PGM5: variants seen among roughly 807,000 people sequenced by gnomAD.
PGM5 encodes phosphoglucomutase 5, also known as phosphoglucomutase-like protein 5.
In PGM5, 23 loss-of-function variants were observed where a neutral mutation model predicts 59.2. The observed-to-expected ratio is 0.39, with a 90% CI of 0.28 to 0.55. PGM5 has a LOEUF of 0.55. Ranked by LOEUF, PGM5 falls within the 20% of genes least tolerant of loss-of-function variation. The pLI is 0.66. For missense variants in PGM5, 574 were observed against 748.3 expected (o/e 0.77, Z 2.72); for synonymous variants, 214 against 286.0 (o/e 0.75, Z 2.54).
In PGM5 at chr9:68,410,470, G is replaced by A. The variant is rs1262079391; in HGVS notation, c.1043+17997G>A. On this transcript the variant is annotated intron_variant, in intron 6 of 10. Transcript: ENST00000396396. ...TGTAAAATATCTTTAATATTTGATC[G>A]TTAATTTTTTTCTTTAGACTAAATA... 4.6e-5 allele frequency among the ~76,000 whole-genome samples: 7 copies of A among 152,116 alleles called. No individual in the cohort carries two copies. In the South Asian group the frequency reaches 6.2e-4, roughly 14 times the overall value.
chr9:68,442,602 TAGAGAGTCC>T (rs1165407986), intron 6 of PGM5, among the ~76,000 whole-genome samples: 1 of 152,224 alleles, frequency 6.6e-6, no homozygotes, highest in Non-Finnish European at 1.5e-5. Flanking sequence ...TGAAGCAGAA[TAGAGAGTCC>T]AGAAATACAC....
chr9:68,522,541 G>C lies in PGM5; in HGVS notation c.1615-7026G>C, dbSNP rs190736782. Among the ~76,000 whole-genome samples the C allele has an allele frequency of 1.5e-3, 235 of 152,300 alleles. No individual in the cohort carries two copies. The Middle Eastern group carries it at 0.017, about 11-fold the overall frequency. On this transcript the variant is annotated intron_variant, in intron 10 of 10. Transcript: ENST00000396396. The stretch of plus-strand genomic sequence containing the variant: ...GGAAGTTAATTTTGGTTTGCAAGAT[G>C]TTACATTTCATATTTTGGGTTTGTT...
At chr9:68,376,248 G>A (rs1821878849) in intron 1 of PGM5, among the ~76,000 whole-genome samples, 2 of 152,146 alleles carry the variant, frequency 1.3e-5, no homozygotes. Context: ...GTTGTACTTA[G>A]AATAAAATCT....
chr9:68,504,869 T>C (rs1587222484), intron 10 of PGM5, among the ~76,000 whole-genome samples: 1 of 152,318 alleles, frequency 6.6e-6, no homozygotes, highest in South Asian at 2.1e-4. Flanking sequence ...ATATTGACCA[T>C]TAATTACTTT....
chr9:68,358,122 G>C (rs1358245083), intron 1 of PGM5, among the ~76,000 whole-genome samples: 1 of 152,046 alleles, frequency 6.6e-6, no homozygotes. Flanking sequence ...TTCCCAGGGG[G>C]CATATCTCTA....
intron 6 of PGM5, among the ~76,000 whole-genome samples, chr9:68,430,234 GT>G (rs201885731): frequency 0.03 from 4,543 of 152,282 alleles, 101 homozygotes; most frequent in Non-Finnish European, 0.046. Context: ...TGCAGGTTGA[GT>G]TTTTCAGTCC....
Position 68,423,629 on chromosome 9 carries a change from A to ATCTC in PGM5, c.1043+31178_1043+31181dup, listed in dbSNP as rs368417025. 2.8e-3 allele frequency among the ~76,000 whole-genome samples: 361 copies of ATCTC among 129,424 alleles called. 1 individual carries two copies. Among genetic ancestry groups the ATCTC allele is most frequent in the African/African-American group, 8.8e-3 (305 of 34,722 alleles). 84.9% of individuals were successfully genotyped at this position (129,424 alleles called of 152,430 possible). On this transcript the variant is annotated intron_variant, in intron 6 of 10. Coordinates refer to ENST00000396396, the MANE Select transcript of PGM5 (RefSeq NM_021965.4). ...TGGGAAATAACCCCAAGAGCACAAA[A>ATCTC]TCTCTCTCTCTCTCTCTCTCTCTCT...
At chr9:68,452,250 C>T (rs1823707846) in intron 6 of PGM5, among the ~76,000 whole-genome samples, 1 of 152,198 alleles carries the variant, frequency 6.6e-6, no homozygotes, top group African/African-American at 2.4e-5. Context: ...CTACCACCAG[C>T]AGGCTTGCTT....
rs150704251 is a variant in PGM5 at position 68,468,188 on chromosome 9, A to G, written c.1159+2980A>G. ...CTGCTCCTCTCCTTCCTCCCACCCT[A>G]CTCCTCAAGAAGACCCGGTGTCTGT... On this transcript the variant is annotated intron_variant, in intron 7 of 10. Transcript: ENST00000396396. Among the ~76,000 whole-genome samples the G allele has an allele frequency of 2.0e-3, 305 of 148,812 alleles. 2 individuals are homozygous for G. Among genetic ancestry groups the G allele is most frequent in the African/African-American group, 7.6e-3 (294 of 38,864 alleles).
intron 6 of PGM5, among the ~76,000 whole-genome samples, chr9:68,440,317 C>A (rs1264198550): frequency 1.3e-5 from 2 of 152,112 alleles, no homozygotes; most frequent in African/African-American, 4.8e-5. Flanking sequence ...CCCAGGTAGA[C>A]CACATCCTGG....
At chr9:68,505,820 T>C (rs1164218208) in intron 10 of PGM5, among the ~76,000 whole-genome samples, 2 of 152,160 alleles carry the variant, frequency 1.3e-5, no homozygotes, top group East Asian at 3.9e-4. Context: ...GCGGTTGGAT[T>C]TGGTCTCCAG....
At chr9:68,460,035 T>C (rs1430724751) in intron 6 of PGM5, among the ~76,000 whole-genome samples, 6 of 152,322 alleles carry the variant, frequency 3.9e-5, no homozygotes, top group Non-Finnish European at 2.9e-5. Flanking sequence ...TCTTGGCTCT[T>C]AAGAAAGTGG....
intron 6 of PGM5, chr9:68,396,182 T>C (rs1822495820): frequency 6.6e-6 from 1 of 152,136 alleles, no homozygotes; most frequent in African/African-American, 2.4e-5. Context: ...TATGAGGTAA[T>C]TGAGGTAGGT....
chr9:68,528,861 G>A (rs955716361), intron 10 of PGM5, among the ~76,000 whole-genome samples: 1 of 152,206 alleles, frequency 6.6e-6, no homozygotes, highest in African/African-American at 2.4e-5. Flanking sequence ...CATTGTGAGT[G>A]TTGCATGCTC....
rs372106438 is a variant in PGM5, at chr9:68,400,499, A to C, written c.1043+8026A>C. ...TGAGTCAAGCATCCCCTTCTCAGTAAGTCCTTTGATACCATGTTCCCTCCA... is the reference window on the plus strand; with the variant it reads ...TGAGTCAAGCATCCCCTTCTCAGTACGTCCTTTGATACCATGTTCCCTCCA... On this transcript the variant is annotated intron_variant, in intron 6 of 10. Coordinates refer to ENST00000396396, the MANE Select transcript of PGM5 (RefSeq NM_021965.4). 2.9e-4 allele frequency: 44 copies of C among 152,526 alleles called. 1 individual carries two copies. In the East Asian group the frequency reaches 8.3e-3, roughly 29 times the overall value. 9.4% of individuals were successfully genotyped at this position (152,526 alleles called of 1,614,324 possible). A position where few individuals can be genotyped will look rare whatever the true frequency, so the allele number is the denominator to read the frequency against.
chr9:68,405,602 C>T (rs1461962471), intron 6 of PGM5: 1 of 154,008 alleles, frequency 6.5e-6, no homozygotes, highest in Non-Finnish European at 1.5e-5. Context: ...TTCCTTTCTT[C>T]CTTCTTCCCA....
At chr9:68,410,096 C>G (rs1358307313) in intron 6 of PGM5, among the ~76,000 whole-genome samples, 9 of 152,196 alleles carry the variant, frequency 5.9e-5, no homozygotes, top group Admixed American at 5.9e-4. Flanking sequence ...GGGTTCCAGG[C>G]AGTGGGAGCT....
At chr9:68,456,746 T>C (rs1823786106) in intron 6 of PGM5, among the ~76,000 whole-genome samples, 1 of 149,336 alleles carries the variant, frequency 6.7e-6, no homozygotes, top group Non-Finnish European at 1.5e-5. Flanking sequence ...TGCCTCAACC[T>C]CCCAAGTAGC....
intron 1 of PGM5, among the ~76,000 whole-genome samples, chr9:68,365,979 C>T (rs1275469631): frequency 6.6e-6 from 1 of 152,076 alleles, no homozygotes; most frequent in Non-Finnish European, 1.5e-5. Flanking sequence ...AACAGGTGGC[C>T]AACCTTATTA....
Sources: allele counts gnomAD v4.1 joint callset (sites outside exome capture counted in the v4.1 genomes callset), GRCh38; gene constraint gnomAD v4.1.1; transcripts MANE v1.5; gene names NCBI Gene and HGNC (gene_info 2026-07-23, HGNC 2026-07-21).